JMJD1C: variants seen among roughly 807,000 people sequenced by gnomAD.
The protein encoded by JMJD1C is jumonji domain-containing protein 1C.
In JMJD1C, 31 loss-of-function variants were observed where a neutral mutation model predicts 245.3. The observed-to-expected ratio is 0.13, with a 90% confidence interval of 0.09 to 0.17. The LOEUF (loss-of-function observed/expected upper bound fraction) is 0.17, where lower values mean the gene tolerates loss of function less well. Among genes scored for constraint, JMJD1C ranks in the 10% least tolerant of loss-of-function variants. The pLI, the probability that JMJD1C is intolerant of heterozygous loss-of-function variation, is 1.00. For missense variants in JMJD1C, 2,691 were observed against 3,000.2 expected (o/e 0.90, Z 2.41); for synonymous variants, 1,057 against 1,017.4 (o/e 1.04, Z -0.74).
intron 1 of JMJD1C, among the ~76,000 whole-genome samples, chr10:63,493,925 A>C (rs917173846): frequency 6.6e-6 from 1 of 152,206 alleles, no homozygotes; most frequent in African/African-American, 2.4e-5. Context: ...AAATAAAAAC[A>C]AAGAGAGAGA....
At chr10:63,344,448 G>A (rs78392820) in intron 2 of JMJD1C, among the ~76,000 whole-genome samples, 3,499 of 152,056 alleles carry the variant, frequency 0.023, 56 homozygotes, top group Non-Finnish European at 0.039. Flanking sequence ...ATCACCTAAG[G>A]ACACATTTCT....
chr10:63,495,082 C>A (rs1412935730), intron 1 of JMJD1C, among the ~76,000 whole-genome samples: 2 of 151,958 alleles, frequency 1.3e-5, no homozygotes, highest in Non-Finnish European at 2.9e-5. Context: ...AAGTGCTAAG[C>A]ACAGTGTTAG....
intron 3 of JMJD1C, among the ~76,000 whole-genome samples, chr10:63,228,736 T>C (rs764200657): frequency 2.8e-4 from 43 of 152,170 alleles, no homozygotes; most frequent in Non-Finnish European, 5.0e-4. Flanking sequence ...ATGCTTGAAA[T>C]ATATACAATC....
At chr10:63,520,507 A>C (rs1415283662) in intron 1 of JMJD1C, among the ~76,000 whole-genome samples, 1 of 112,732 alleles carries the variant, frequency 8.9e-6, no homozygotes, top group African/African-American at 2.7e-5. Context: ...TACTGTCACA[A>C]AAAAAAAAAA....
intron 1 of JMJD1C, among the ~76,000 whole-genome samples, chr10:63,409,578 A>G (rs769321931): frequency 1.1e-4 from 17 of 152,160 alleles, no homozygotes; most frequent in Non-Finnish European, 2.1e-4. Flanking sequence ...AATTCTGCAG[A>G]CATCTCTGGG....
rs188915018 is a variant in JMJD1C at position 63,413,848 on chromosome 10, T to A, written c.169-33366A>T. Among the ~76,000 whole-genome samples the A allele has an allele frequency of 4.1e-4, 62 of 152,146 alleles. No individual in the cohort carries two copies. In the East Asian group the frequency reaches 0.012, roughly 29 times the overall value. On this transcript the variant is annotated intron_variant, in intron 1 of 25. Coordinates refer to ENST00000399262, the MANE Select transcript of JMJD1C (RefSeq NM_032776.3). ...ATTGCTAACACTGAAAAATACCAGA[T>A]AAACCAAAGATAAAAGGTTCCTTGA...
At chr10:63,228,234 A>C (rs1849542666) in intron 3 of JMJD1C, among the ~76,000 whole-genome samples, 1 of 152,244 alleles carries the variant, frequency 6.6e-6, no homozygotes, top group African/African-American at 2.4e-5. Flanking sequence ...AAAATACATA[A>C]ATGAATGAGC....
intron 2 of JMJD1C, among the ~76,000 whole-genome samples, chr10:63,358,533 G>T (rs942344328): frequency 1.3e-5 from 2 of 151,780 alleles, no homozygotes; most frequent in African/African-American, 2.4e-5. Context: ...ATATAATTAA[G>T]ATATATCATA....
chr10:63,393,479 G>A (rs1948239615), intron 1 of JMJD1C, among the ~76,000 whole-genome samples: 1 of 152,002 alleles, frequency 6.6e-6, no homozygotes, highest in African/African-American at 2.4e-5. Context: ...AACAGTATGG[G>A]GACTTCTGAA....
At chr10:63,427,708 G>T in intron 1 of JMJD1C, 1 of 1,320,112 alleles carries the variant, frequency 7.6e-7, no homozygotes, top group Non-Finnish European at 1.1e-6. Context: ...TAGCTTATTT[G>T]GTGTCTCCAG....
At chr10:63,283,937 A>G (rs1857683963) in intron 2 of JMJD1C, among the ~76,000 whole-genome samples, 1 of 152,154 alleles carries the variant, frequency 6.6e-6, no homozygotes, top group South Asian at 2.1e-4. Context: ...GCAATTGTTC[A>G]TGAACTAGGT....
intron 1 of JMJD1C, among the ~76,000 whole-genome samples, chr10:63,501,313 A>G (rs569723329): frequency 6.6e-6 from 1 of 152,362 alleles, no homozygotes; most frequent in East Asian, 1.9e-4. Flanking sequence ...TGAAGAAGAC[A>G]AAGTGATTCA....
At chr10:63,205,107 T>C (rs1168854614) in intron 10 of JMJD1C, 1 of 742,862 alleles carries the variant, frequency 1.3e-6, no homozygotes, top group East Asian at 1.3e-4. Context: ...TAGTGAATAT[T>C]ACTGTTAAGT....
At chr10:63,218,277 G>A (rs1324955115) in intron 4 of JMJD1C, among the ~76,000 whole-genome samples, 1 of 152,000 alleles carries the variant, frequency 6.6e-6, no homozygotes, top group Non-Finnish European at 1.5e-5. Flanking sequence ...TTCTACAGTT[G>A]TAACAGATTC....
intron 22 of JMJD1C, among the ~76,000 whole-genome samples, chr10:63,183,153 G>A (rs934669161): frequency 6.6e-6 from 1 of 152,090 alleles, no homozygotes; most frequent in Non-Finnish European, 1.5e-5. Context: ...GAGCCACTGC[G>A]CCCAGCCTCA....
chr10:63,238,765 G>C (rs1026474159), intron 3 of JMJD1C, among the ~76,000 whole-genome samples: 3 of 152,164 alleles, frequency 2.0e-5, no homozygotes, highest in African/African-American at 7.2e-5. Flanking sequence ...AATTATGTTT[G>C]AAATAGTCTA....
At chr10:63,363,509 T>C (rs1564835885) in intron 2 of JMJD1C, among the ~76,000 whole-genome samples, 4 of 152,068 alleles carry the variant, frequency 2.6e-5, no homozygotes, top group African/African-American at 7.2e-5. Context: ...CCGCCCACCT[T>C]GGCCTCCCAA....
intron 3 of JMJD1C, among the ~76,000 whole-genome samples, chr10:63,264,011 T>G (rs2133776167): frequency 7.0e-6 from 1 of 142,214 alleles, no homozygotes; most frequent in Middle Eastern, 3.8e-3. Flanking sequence ...CACACACAAT[T>G]CTGTGAGCTT....
intron 1 of JMJD1C, among the ~76,000 whole-genome samples, chr10:63,390,797 C>A (rs997669760): frequency 6.6e-6 from 1 of 152,054 alleles, no homozygotes; most frequent in Non-Finnish European, 1.5e-5. Flanking sequence ...ATTCAACATC[C>A]CTTCATAATA....
Sources: gnomAD v4.1 joint callset for allele counts (sites outside exome capture counted in the v4.1 genomes callset) on GRCh38, gnomAD v4.1.1 for gene constraint, MANE v1.5 for transcripts, NCBI Gene and HGNC (gene_info 2026-07-23, HGNC 2026-07-21) for gene names.